NEIL3: variants seen among roughly 807,000 people sequenced by gnomAD.
NEIL3 encodes the protein nei like DNA glycosylase 3.
NEIL3 carries 48 observed loss-of-function variants against 57.5 expected under a neutral mutation model. The observed-to-expected ratio is 0.83, with a 90% CI of 0.66 to 1.06. The LOEUF (loss-of-function observed/expected upper bound fraction) is 1.06, where lower values mean the gene tolerates loss of function less well. NEIL3 is among the 50% of genes least tolerant of loss of function. The pLI is 0.00. For missense variants in NEIL3, 717 were observed against 739.1 expected, an observed-to-expected ratio of 0.97 and a Z score of 0.35; for synonymous variants, 261 against 253.2, an observed-to-expected ratio of 1.03 and a Z score of -0.29.
intron 1 of NEIL3, among the ~76,000 whole-genome samples, chr4:177,322,081 G>A (rs1734695911): frequency 1.3e-5 from 2 of 152,090 alleles, no homozygotes; most frequent in Admixed American, 1.3e-4. Flanking sequence ...ACTCTTTCAG[G>A]GAACTTGGCT....
chr4:177,349,215 C>T (rs1396242457), intron 6 of NEIL3, among the ~76,000 whole-genome samples: 3 of 151,860 alleles, frequency 2.0e-5, no homozygotes, highest in Admixed American at 1.3e-4. Context: ...TATTCATTTC[C>T]GCTGGCTGCC....
intron 2 of NEIL3, 83 bp from the exon 3 acceptor site, chr4:177,335,605 C>CA (rs3215157): frequency 4.4e-3 from 5,233 of 1,199,230 alleles, no homozygotes; most frequent in South Asian, 5.5e-3. Flanking sequence ...GCTTATAATC[C>CA]AAAAAAAAAA....
chr4:177,349,051 T>C (rs1735295278), intron 6 of NEIL3, among the ~76,000 whole-genome samples: 3 of 144,846 alleles, frequency 2.1e-5, no homozygotes, highest in African/African-American at 7.6e-5. Context: ...TTTTTTTTTT[T>C]TTTTGTATTT....
intron 8 of NEIL3, among the ~76,000 whole-genome samples, chr4:177,357,828 C>T (rs1735508310): frequency 6.6e-6 from 1 of 152,090 alleles, no homozygotes; most frequent in South Asian, 2.1e-4. Flanking sequence ...TTGCCAGCCC[C>T]GATCTGTTGT....
intron 7 of NEIL3, among the ~76,000 whole-genome samples, chr4:177,352,361 A>G (rs1032474832): frequency 1.3e-5 from 2 of 152,200 alleles, no homozygotes; most frequent in Non-Finnish European, 2.9e-5. Context: ...ATGGAAAAAC[A>G]CAATCTTAGG....
intron 4 of NEIL3, among the ~76,000 whole-genome samples, chr4:177,339,282 A>G (rs1452927908): frequency 6.6e-6 from 1 of 152,244 alleles, no homozygotes; most frequent in Non-Finnish European, 1.5e-5. Flanking sequence ...AAGCTTGAGA[A>G]AAGAAATTGT....
intron 6 of NEIL3, among the ~76,000 whole-genome samples, chr4:177,347,120 G>A (rs548759054): frequency 1.2e-4 from 18 of 152,288 alleles, no homozygotes; most frequent in South Asian, 4.1e-4. Flanking sequence ...GGATAGTGAC[G>A]GAGACGGCTC....
chr4:177,339,558 A>G (rs1735046376), intron 4 of NEIL3, among the ~76,000 whole-genome samples: 1 of 152,188 alleles, frequency 6.6e-6, no homozygotes, highest in Admixed American at 6.5e-5. Flanking sequence ...CATTGAATAG[A>G]TTGAGGAGGA....
In NEIL3 at chr4:177,309,883, G is replaced by A; in HGVS notation, c.-71G>A. 6.5e-7 allele frequency: 1 copy of A among 1,532,846 alleles called. No individual in the cohort carries two copies. Among genetic ancestry groups the A allele is most frequent in the Non-Finnish European group, 8.8e-7 (1 of 1,141,366 alleles). The allele number at this position is 1,532,846 out of a possible 1,614,324, so 95.0% of individuals were successfully genotyped here. On this transcript the variant is annotated 5_prime_UTR_variant, in exon 1 of 10. Transcript: ENST00000264596. ...TCCTCTGCGTGCGGTCAGTGCCCGC[G>A]CAGCGTTGAGTTGCACAGCGGTATT...
downstream of NEIL3, among the ~76,000 whole-genome samples, chr4:177,367,004 T>A (rs1735701327): frequency 6.6e-6 from 1 of 152,236 alleles, no homozygotes; most frequent in Non-Finnish European, 1.5e-5. Flanking sequence ...TTTAAAAATA[T>A]AATTTCTGGG....
intron 1 of NEIL3, among the ~76,000 whole-genome samples, chr4:177,316,512 T>C (rs1734577454): frequency 6.6e-6 from 1 of 152,148 alleles, no homozygotes; most frequent in South Asian, 2.1e-4. Flanking sequence ...ATTGGGATGT[T>C]AATGAATTTT....
At position 177,337,920 on chromosome 4, in the gene NEIL3, G is replaced by A. The variant is rs113049763; in HGVS notation, c.627+1599G>A. Among the ~76,000 whole-genome samples the A allele has an allele frequency of 9.1e-3, 1,379 of 152,294 alleles. 23 individuals carry two copies. The highest frequency in any genetic ancestry group is 0.032 in the African/African-American group (1,310 of 41,566). On this transcript the variant is annotated intron_variant, in intron 4 of 9. Transcript: ENST00000264596. ...TGTAGTCCCAGCTACTGGAGAGGCTGAGGCAGGACAATCGCTTAAGCCCGG... is the reference window on the plus strand; with the variant it reads ...TGTAGTCCCAGCTACTGGAGAGGCTAAGGCAGGACAATCGCTTAAGCCCGG...
At chr4:177,355,459 G>A (rs993708015) in intron 8 of NEIL3, among the ~76,000 whole-genome samples, 3 of 152,296 alleles carry the variant, frequency 2.0e-5, no homozygotes, top group South Asian at 4.1e-4. Context: ...TATAAAGGCT[G>A]TGTAAATAAT....
chr4:177,351,518 A>G lies in NEIL3; in HGVS notation c.1008A>G (p.Ala336=). 1 of 1,613,688 alleles carries G rather than the reference A, an allele frequency of 6.2e-7. No individual in the cohort carries two copies. The highest frequency in any genetic ancestry group is 2.2e-5 in the East Asian group (1 of 44,880). Residue 336 remains alanine, a synonymous_variant, in exon 7 of 10, where the codon GCA becomes GCG. Transcript: ENST00000264596. ...CTLINKPSSK[A]CDACLTSRPI... ...TAATCAATAAGCCCTCTTCTAAGGC[A>G]TGTGATGCTTGCTTGACCTCAAGGC...
In NEIL3 at chr4:177,341,640, A is replaced by C. The variant is rs1276737231; in HGVS notation, c.867A>C (p.Ile289=). 6.2e-7 allele frequency: 1 copy of C among 1,611,540 alleles called. No homozygotes were observed. Among genetic ancestry groups the C allele is most frequent in the East Asian group, 2.2e-5 (1 of 44,860 alleles). ...CQKENPQHVD[I]CKLPTRNTII... ...AAGAAAATCCTCAACATGTTGACAT[A>C]TGGTAAGATATTGAATTTAAAGGGA... Residue 289 remains isoleucine, a splice_region_variant and synonymous_variant, in exon 6 of 10, where the codon ATA becomes ATC. Transcript: ENST00000264596.
intron 1 of NEIL3, among the ~76,000 whole-genome samples, chr4:177,318,936 C>T (rs1734625271): frequency 6.6e-6 from 1 of 152,174 alleles, no homozygotes; most frequent in Admixed American, 6.5e-5. Flanking sequence ...GTAAACTTTT[C>T]TAAAATGAGT....
At chr4:177,335,480 T>G (rs1312158786) in intron 2 of NEIL3, among the ~76,000 whole-genome samples, 1 of 152,170 alleles carries the variant, frequency 6.6e-6, no homozygotes, top group Non-Finnish European at 1.5e-5. Context: ...GTTGAAAAAC[T>G]GATTGTCATG....
intron 2 of NEIL3, among the ~76,000 whole-genome samples, chr4:177,334,162 A>G (rs1189311370): frequency 6.6e-6 from 1 of 151,860 alleles, no homozygotes; most frequent in Non-Finnish European, 1.5e-5. Context: ...AAAAATCAGT[A>G]TCAATTGTTG....
intron 2 of NEIL3, among the ~76,000 whole-genome samples, chr4:177,325,482 ATAT>A (rs1734763990): frequency 6.6e-6 from 1 of 152,080 alleles, no homozygotes; most frequent in African/African-American, 2.4e-5. Flanking sequence ...CAAGTTTTTA[ATAT>A]TGTGAATAAA....
Sources: allele counts gnomAD v4.1 joint callset (sites outside exome capture counted in the v4.1 genomes callset), GRCh38; gene constraint gnomAD v4.1.1; transcripts MANE v1.5; gene names NCBI Gene and HGNC (gene_info 2026-07-23, HGNC 2026-07-21).